The following ROBO2 variants were observed in gnomAD, a reference collection of about 807,000 sequenced individuals.
ROBO2 encodes the protein roundabout guidance receptor 2.
ROBO2 carries 53 observed loss-of-function variants against 160.8 expected under a neutral mutation model. The observed-to-expected ratio is 0.33, with a 90% CI of 0.26 to 0.41. The LOEUF is 0.41. Ranked by LOEUF, ROBO2 falls within the 10% of genes least tolerant of loss-of-function variation. ROBO2 has a pLI of 1.00. For synonymous variants in ROBO2, 664 were observed against 611.7 expected, an observed-to-expected ratio of 1.09 and a Z score of -1.26; for missense variants, 1,577 against 1,722.4, an observed-to-expected ratio of 0.92 and a Z score of 1.49.
intron 2 of ROBO2, among the ~76,000 whole-genome samples, chr3:76,905,619 C>G (rs1361908172): frequency 6.6e-6 from 1 of 152,090 alleles, no homozygotes. Flanking sequence ...CTGGGGATTA[C>G]CTCATTAAAA....
intron 2 of ROBO2, among the ~76,000 whole-genome samples, chr3:76,166,678 A>T (rs1034304572): frequency 6.6e-6 from 1 of 151,096 alleles, no homozygotes; most frequent in Non-Finnish European, 1.5e-5. Flanking sequence ...ATCACATATA[A>T]AAAAAAAATC....
intron 2 of ROBO2, among the ~76,000 whole-genome samples, chr3:76,187,443 T>A (rs1053636574): frequency 7.6e-5 from 9 of 118,470 alleles, no homozygotes; most frequent in Non-Finnish European, 1.5e-4. Flanking sequence ...CCCAACTGAT[T>A]TTTTAATGTT....
In ROBO2 at chr3:76,317,998, A is replaced by C. The variant is rs543152700; in HGVS notation, c.109+380396A>C. Among the ~76,000 whole-genome samples, 15 of 152,196 alleles carry C rather than the reference A, an allele frequency of 9.9e-5. No homozygotes were observed. The South Asian group carries it at 2.3e-3, about 23-fold the overall frequency. On this transcript the variant is annotated intron_variant, in intron 2 of 26. Coordinates refer to the ROBO2 transcript ENST00000487694. ...CAAATTCACTTTTTTAAATTTTGAC[A>C]TCAAAATTTCATTTTAATTATATAT... is the stretch of plus-strand genomic sequence containing the variant.
At chr3:76,195,143 C>T (rs1394018431) in intron 2 of ROBO2, among the ~76,000 whole-genome samples, 1 of 152,052 alleles carries the variant, frequency 6.6e-6, no homozygotes, top group Admixed American at 6.6e-5. Flanking sequence ...TCCTTGAAAA[C>T]AAAATTTCAC....
At chr3:75,999,288 A>AT (rs1348843160) in intron 2 of ROBO2, among the ~76,000 whole-genome samples, 5 of 152,192 alleles carry the variant, frequency 3.3e-5, no homozygotes, top group Admixed American at 6.5e-5. Context: ...CAATTGTTAC[A>AT]TTTTTTATGA....
chr3:77,449,377 G>A (rs868678721), intron 2 of ROBO2, among the ~76,000 whole-genome samples: 1 of 152,056 alleles, frequency 6.6e-6, no homozygotes, highest in African/African-American at 2.4e-5. Flanking sequence ...ATTTTAGGTT[G>A]TTAAATATGC....
chr3:77,243,144 C>G (rs2089272297), intron 2 of ROBO2, among the ~76,000 whole-genome samples: 1 of 151,938 alleles, frequency 6.6e-6, no homozygotes, highest in Admixed American at 6.6e-5. Flanking sequence ...CGTCATCCAT[C>G]TTTTTCAACT....
intron 2 of ROBO2, among the ~76,000 whole-genome samples, chr3:77,417,522 T>C (rs1398152572): frequency 6.6e-6 from 1 of 152,106 alleles, no homozygotes; most frequent in African/African-American, 2.4e-5. Context: ...GCATCAAGCT[T>C]CTTATTGCAT....
intron 2 of ROBO2, among the ~76,000 whole-genome samples, chr3:77,371,974 T>C (rs929311731): frequency 6.6e-6 from 1 of 152,230 alleles, no homozygotes; most frequent in African/African-American, 2.4e-5. Flanking sequence ...TCAGTTTCCA[T>C]TCCAGGATTT....
intron 2 of ROBO2, among the ~76,000 whole-genome samples, chr3:76,450,721 A>G (rs577137933): frequency 2.1e-3 from 315 of 152,242 alleles, no homozygotes; most frequent in Non-Finnish European, 3.1e-3. Context: ...TTATTCTGTT[A>G]ATGAAGATCT....
chr3:77,209,267 T>C (rs1264430735), intron 2 of ROBO2, among the ~76,000 whole-genome samples: 1 of 152,162 alleles, frequency 6.6e-6, no homozygotes, highest in African/African-American at 2.4e-5. Context: ...TAACTATTCA[T>C]TTGCCTTAGA....
At chr3:76,533,716 C>G (rs748122009) in intron 2 of ROBO2, among the ~76,000 whole-genome samples, 8 of 151,976 alleles carry the variant, frequency 5.3e-5, no homozygotes, top group African/African-American at 1.9e-4. Context: ...TTATAGGGCT[C>G]GGGTAGGCAG....
At chr3:77,167,725 C>T (rs762283494) in intron 2 of ROBO2, among the ~76,000 whole-genome samples, 17 of 152,100 alleles carry the variant, frequency 1.1e-4, no homozygotes, top group Non-Finnish European at 2.2e-4. Context: ...AGTACTGTTA[C>T]AAAGGTTAAT....
chr3:76,183,780 A>G (rs1701619755), intron 2 of ROBO2, among the ~76,000 whole-genome samples: 1 of 152,152 alleles, frequency 6.6e-6, no homozygotes, highest in African/African-American at 2.4e-5. Context: ...GAATTATAAA[A>G]AATAAAGTTC....
chr3:77,203,835 A>G (rs1338745298), intron 2 of ROBO2, among the ~76,000 whole-genome samples: 1 of 152,224 alleles, frequency 6.6e-6, no homozygotes, highest in Non-Finnish European at 1.5e-5. Flanking sequence ...GATTTTGCAG[A>G]TAAGCAAACT....
At chr3:77,553,525 G>T (rs1009503024) in intron 8 of ROBO2, among the ~76,000 whole-genome samples, 1 of 151,956 alleles carries the variant, frequency 6.6e-6, no homozygotes, top group African/African-American at 2.4e-5. Flanking sequence ...TAGGCCAAAA[G>T]CTGGGCCTCT....
chr3:76,816,275 A>G (rs1315827629), intron 2 of ROBO2, among the ~76,000 whole-genome samples: 1 of 152,078 alleles, frequency 6.6e-6, no homozygotes, highest in Non-Finnish European at 1.5e-5. Flanking sequence ...TGAAAGAAGA[A>G]TGCAATATGA....
intron 2 of ROBO2, among the ~76,000 whole-genome samples, chr3:76,948,437 C>A (rs989935893): frequency 2.0e-5 from 3 of 151,920 alleles, no homozygotes; most frequent in African/African-American, 4.8e-5. Flanking sequence ...TTTATTTTAA[C>A]CATTCGTATT....
intron 4 of ROBO2, among the ~76,000 whole-genome samples, chr3:77,489,469 C>T (rs1325074169): frequency 6.6e-6 from 1 of 152,100 alleles, no homozygotes; most frequent in Non-Finnish European, 1.5e-5. Context: ...CTTGATTCTT[C>T]TTGAAATTAT....
Sources: allele counts gnomAD v4.1 joint callset (sites outside exome capture counted in the v4.1 genomes callset), GRCh38; gene constraint gnomAD v4.1.1; transcripts MANE v1.5; gene names NCBI Gene and HGNC (gene_info 2026-07-23, HGNC 2026-07-21).